The following ADAM9 variants were observed in gnomAD, a reference collection of about 807,000 sequenced individuals.
ADAM9 encodes the protein ADAM metallopeptidase domain 9.
ADAM9 carries 54 observed loss-of-function variants against 108.1 expected under a neutral mutation model. The observed-to-expected ratio is 0.50, with a 90% CI of 0.40 to 0.63. ADAM9 has a LOEUF of 0.63. Ranked by LOEUF, ADAM9 falls within the 20% of genes least tolerant of loss-of-function variation. The pLI is 0.00. For synonymous variants in ADAM9, 316 were observed against 336.0 expected (o/e 0.94, Z 0.65); for missense variants, 830 against 997.7 (o/e 0.83, Z 2.26).
At chr8:39,082,503 T>A in intron 16 of ADAM9, 138 bp from the exon 17 acceptor site, 1 of 633,690 alleles carries the variant, frequency 1.6e-6, no homozygotes, top group Non-Finnish European at 2.7e-6. Context: ...TTTAAAAATA[T>A]AATATGGGAA....
chr8:39,059,180 C>G (rs1159407378), intron 14 of ADAM9, among the ~76,000 whole-genome samples: 2 of 152,176 alleles, frequency 1.3e-5, no homozygotes, highest in Non-Finnish European at 2.9e-5. Context: ...GGGAGGAATT[C>G]TGTATGTCCA....
At chr8:39,005,712 A>G (rs144526872) in intron 1 of ADAM9, among the ~76,000 whole-genome samples, 2 of 152,206 alleles carry the variant, frequency 1.3e-5, no homozygotes, top group African/African-American at 4.8e-5. Context: ...GGTGTACTAT[A>G]GTTCTTGAAA....
intron 11 of ADAM9, among the ~76,000 whole-genome samples, chr8:39,035,556 C>G (rs1278439267): frequency 6.6e-6 from 1 of 152,134 alleles, no homozygotes; most frequent in East Asian, 1.9e-4. Context: ...CGGTGGCTCA[C>G]GCCTGTAATC....
intron 15 of ADAM9, 77 bp from the exon 16 acceptor site, chr8:39,077,151 A>G: frequency 6.7e-7 from 1 of 1,485,044 alleles, no homozygotes; most frequent in East Asian, 2.3e-5. Context: ...CTCTGTCCAT[A>G]TGCAAATATA....
intron 14 of ADAM9, among the ~76,000 whole-genome samples, chr8:39,063,205 A>G (rs1191005315): frequency 1.3e-5 from 2 of 152,220 alleles, no homozygotes; most frequent in African/African-American, 2.4e-5. Flanking sequence ...GAGTGTGGTG[A>G]ACCTCCTCAT....
At chr8:39,052,199 A>G (rs1326670980) in intron 12 of ADAM9, among the ~76,000 whole-genome samples, 2 of 152,148 alleles carry the variant, frequency 1.3e-5, no homozygotes, top group Admixed American at 1.3e-4. Flanking sequence ...CTGATGGGTA[A>G]AAAATAAGAA....
At chr8:39,042,215 T>A in intron 12 of ADAM9, 98 bp downstream of exon 12, 1 of 1,304,954 alleles carries the variant, frequency 7.7e-7, no homozygotes, top group Non-Finnish European at 1.1e-6. Flanking sequence ...GGAGCTAAAG[T>A]AAAATTTAGT....
At chr8:39,082,795 G>A in intron 17 of ADAM9, 74 bp downstream of exon 17, 1 of 1,417,930 alleles carries the variant, frequency 7.1e-7, no homozygotes, top group East Asian at 2.3e-5. Context: ...CTAGATGAGA[G>A]TTCCCAGGAT....
At chr8:39,064,642 T>C (rs1838399328) in intron 14 of ADAM9, among the ~76,000 whole-genome samples, 3 of 152,214 alleles carry the variant, frequency 2.0e-5, no homozygotes, top group African/African-American at 7.2e-5. Context: ...AATCATTGGC[T>C]CTCTCCCTTT....
At chr8:39,064,409 T>C (rs1338325109) in intron 14 of ADAM9, among the ~76,000 whole-genome samples, 3 of 152,204 alleles carry the variant, frequency 2.0e-5, no homozygotes, top group African/African-American at 7.2e-5. Context: ...ATCAATTGGA[T>C]ATATACATAT....
chr8:39,007,739 A>G (rs1166793698), intron 1 of ADAM9, 147 bp from the exon 2 acceptor site: 3 of 636,736 alleles, frequency 4.7e-6, no homozygotes, highest in Non-Finnish European at 8.3e-6. Flanking sequence ...ATACAACTTT[A>G]TATGAGTACT....
chr8:39,014,443 T>C (rs1037537599), intron 4 of ADAM9: 7 of 636,042 alleles, frequency 1.1e-5, no homozygotes, highest in East Asian at 2.8e-5. Flanking sequence ...TTTGATGTTA[T>C]GTGTTCTAAT....
intron 1 of ADAM9, among the ~76,000 whole-genome samples, chr8:39,000,495 T>C (rs1460704698): frequency 6.6e-6 from 1 of 152,080 alleles, no homozygotes; most frequent in Non-Finnish European, 1.5e-5. Flanking sequence ...AGGGTCTTGC[T>C]CTGTTGCCCA....
At chr8:39,024,970 G>T (rs1363194976) in intron 9 of ADAM9, among the ~76,000 whole-genome samples, 1 of 152,132 alleles carries the variant, frequency 6.6e-6, no homozygotes, top group Admixed American at 6.5e-5. Flanking sequence ...CCTGAAGGAG[G>T]TGAGGGAATG....
At chr8:39,089,064 A>G (rs1399866160) in intron 18 of ADAM9, among the ~76,000 whole-genome samples, 2 of 152,168 alleles carry the variant, frequency 1.3e-5, no homozygotes, top group East Asian at 1.9e-4. Context: ...CCTGGCCAAC[A>G]TGGTGAAACC....
intron 12 of ADAM9, among the ~76,000 whole-genome samples, chr8:39,044,965 C>CACACATACCTATGTATGTGT (rs1837583356): frequency 6.7e-6 from 1 of 149,656 alleles, no homozygotes; most frequent in Admixed American, 6.6e-5. Context: ...TATGTGTGTG[C>CACACATACCTATGTATGTGT]ACACATACCT....
intron 16 of ADAM9, 79 bp from the exon 17 acceptor site, chr8:39,082,562 T>C (rs1385856419): frequency 3.9e-6 from 4 of 1,026,442 alleles, no homozygotes; most frequent in Admixed American, 1.9e-5. Flanking sequence ...AAATAATCTG[T>C]ACCCAGGTCT....
At chr8:39,071,967 A>G (rs1194481741) in intron 15 of ADAM9, among the ~76,000 whole-genome samples, 1 of 152,168 alleles carries the variant, frequency 6.6e-6, no homozygotes, top group Non-Finnish European at 1.5e-5. Context: ...TTGATTTATA[A>G]TAAGAACCCC....
intron 12 of ADAM9, among the ~76,000 whole-genome samples, chr8:39,051,506 G>T (rs1051519848): frequency 6.6e-6 from 1 of 152,166 alleles, no homozygotes; most frequent in African/African-American, 2.4e-5. Context: ...TTTAGATCTA[G>T]TAATTCTACC....
Sources: gnomAD v4.1 joint callset for allele counts (sites outside exome capture counted in the v4.1 genomes callset) on GRCh38, gnomAD v4.1.1 for gene constraint, MANE v1.5 for transcripts, NCBI Gene and HGNC (gene_info 2026-07-23, HGNC 2026-07-21) for gene names.